Variants in FRMD3 observed in about 807,000 individuals in gnomAD.
FRMD3 encodes the protein FERM domain containing 3.
FRMD3 carries 33 observed loss-of-function variants against 70.2 expected under a neutral mutation model. The observed-to-expected ratio is 0.47, with a 90% CI of 0.36 to 0.63. FRMD3 has a LOEUF of 0.63. Among genes scored for constraint, FRMD3 ranks in the 20% least tolerant of loss-of-function variants. The probability of loss-of-function intolerance (pLI) is 0.00; values close to 1 mark genes in which losing one functional copy is unlikely to be tolerated. For missense variants in FRMD3, 632 were observed against 711.4 expected (o/e 0.89, Z 1.27); for synonymous variants, 279 against 255.9 (o/e 1.09, Z -0.86).
chr9:83,362,963 C>T (rs1824655819), intron 3 of FRMD3, among the ~76,000 whole-genome samples: 1 of 146,142 alleles, frequency 6.8e-6, no homozygotes, highest in South Asian at 2.1e-4. Context: ...TTCTTCCTTC[C>T]TTCCTTTCCT....
At chr9:83,502,442 G>T in intron 1 of FRMD3, among the ~76,000 whole-genome samples, 1 of 152,200 alleles carries the variant, frequency 6.6e-6, no homozygotes, top group East Asian at 1.9e-4. Flanking sequence ...CATATTTTAT[G>T]AAAAGAAATG....
chr9:83,320,400 A>G (rs992306492), intron 6 of FRMD3, among the ~76,000 whole-genome samples: 2 of 152,118 alleles, frequency 1.3e-5, no homozygotes, highest in African/African-American at 2.4e-5. Flanking sequence ...TTCTTCATCT[A>G]TTGAGGTGAT....
At chr9:83,421,101 C>T (rs529967499) in intron 1 of FRMD3, among the ~76,000 whole-genome samples, 48 of 151,466 alleles carry the variant, frequency 3.2e-4, no homozygotes, top group Admixed American at 1.4e-3. Context: ...CCACCACGCC[C>T]GGCTAATTTT....
At chr9:83,482,762 G>T (rs1415070226) in intron 1 of FRMD3, among the ~76,000 whole-genome samples, 1 of 152,112 alleles carries the variant, frequency 6.6e-6, no homozygotes, top group Non-Finnish European at 1.5e-5. Context: ...AAGAAATAAA[G>T]GTGCTCCAGT....
At chr9:83,458,662 A>C (rs1827887468) in intron 1 of FRMD3, among the ~76,000 whole-genome samples, 1 of 152,242 alleles carries the variant, frequency 6.6e-6, no homozygotes, top group African/African-American at 2.4e-5. Context: ...GTACATCCAC[A>C]GAAATGAAAA....
intron 3 of FRMD3, among the ~76,000 whole-genome samples, chr9:83,352,373 C>A (rs1824189601): frequency 6.6e-6 from 1 of 152,178 alleles, no homozygotes; most frequent in Admixed American, 6.5e-5. Flanking sequence ...CTTCCTGAAG[C>A]ATTAACTTCT....
chr9:83,459,635 G>A lies in FRMD3; in HGVS notation c.148-69927C>T, dbSNP rs766376507. On this transcript the variant is annotated intron_variant, in intron 1 of 13. Transcript: ENST00000304195. ...CAGGGGAGAGAAACTGATGGCAAAC[G>A]CTGCCCTGGCCTCCTGGCCTCAGGG... 6.6e-5 allele frequency among the ~76,000 whole-genome samples: 10 copies of A among 152,308 alleles called. 1 individual carries two copies. In the Middle Eastern group the frequency reaches 0.017, roughly 259 times the overall value.
intron 1 of FRMD3, among the ~76,000 whole-genome samples, chr9:83,417,222 C>T (rs1826483857): frequency 1.3e-5 from 2 of 152,188 alleles, no homozygotes; most frequent in South Asian, 4.1e-4. Flanking sequence ...AATGAGTACA[C>T]ATTCATTCTT....
the FRMD3 span, among the ~76,000 whole-genome samples, chr9:83,564,187 A>G: frequency 6.6e-6 from 1 of 152,166 alleles, no homozygotes; most frequent in Admixed American, 6.5e-5. Context: ...AAGTTTGTTG[A>G]CTGACTTTCT....
intron 4 of FRMD3, 70 bp from the exon 5 acceptor site, chr9:83,343,357 G>T: frequency 3.8e-6 from 4 of 1,046,142 alleles, no homozygotes; most frequent in Non-Finnish European, 6.0e-6. Flanking sequence ...GATTGTTCAT[G>T]CTTAGCTCCC....
At position 83,247,629 on chromosome 9, in the gene FRMD3, C is replaced by G. The variant is rs1286782565; in HGVS notation, c.*289G>C. On this transcript the variant is annotated 3_prime_UTR_variant, in exon 14 of 14. Transcript: ENST00000304195. ...GAAAATCTAATTCAGTCCAATGTAA[C>G]ATGTATTATGATATAATAGATGAAG... The G allele has an allele frequency of 8.4e-6, 9 of 1,076,966 alleles. No individual in the cohort carries two copies. Among genetic ancestry groups the G allele is most frequent in the Non-Finnish European group, 1.0e-5 (9 of 880,548 alleles). 66.7% of individuals were successfully genotyped at this position (1,076,966 alleles called of 1,614,324 possible).
intron 3 of FRMD3, among the ~76,000 whole-genome samples, chr9:83,357,274 T>C (rs1211006721): frequency 1.7e-5 from 1 of 58,046 alleles, no homozygotes; most frequent in African/African-American, 8.4e-5. Flanking sequence ...TATATATATA[T>C]ATATATATAT....
intron 3 of FRMD3, 136 bp downstream of exon 3, chr9:83,372,777 T>A (rs559791342): frequency 1.3e-6 from 1 of 768,252 alleles, no homozygotes; most frequent in Admixed American, 2.0e-5. Context: ...AGAGCTCTCC[T>A]GGGGAGAGAG....
chr9:83,358,609 C>T (rs150948888), intron 3 of FRMD3, among the ~76,000 whole-genome samples: 3,512 of 152,146 alleles, frequency 0.023, 142 homozygotes, highest in African/African-American at 0.08. Flanking sequence ...TGATTTCTTT[C>T]AGCAGTGTTT....
chr9:83,345,753 T>G (rs907038765), intron 4 of FRMD3, among the ~76,000 whole-genome samples: 1 of 151,678 alleles, frequency 6.6e-6, no homozygotes, highest in Non-Finnish European at 1.5e-5. Flanking sequence ...CAAGACTCCA[T>G]CTCAAAAAAT....
intron 1 of FRMD3, among the ~76,000 whole-genome samples, chr9:83,536,607 C>T (rs1829897498): frequency 6.6e-6 from 1 of 152,110 alleles, no homozygotes; most frequent in Non-Finnish European, 1.5e-5. Context: ...CCTGCTAATC[C>T]TTTTATTATT....
chr9:83,275,023 G>A (rs1201469495), intron 13 of FRMD3, among the ~76,000 whole-genome samples: 2 of 152,176 alleles, frequency 1.3e-5, no homozygotes, highest in Admixed American at 1.3e-4. Flanking sequence ...CAAGTCAGCA[G>A]GAGCAGGTTT....
Position 83,538,341 on chromosome 9 carries a change from C to G in FRMD3, c.-110G>C, listed in dbSNP as rs1829949113. 1 of 1,038,762 alleles carries G rather than the reference C, an allele frequency of 9.6e-7. No homozygotes were observed. The highest frequency in any genetic ancestry group is 1.2e-6 in the Non-Finnish European group (1 of 807,754). 64.3% of individuals were successfully genotyped at this position (1,038,762 alleles called of 1,614,324 possible). A position where few individuals can be genotyped will look rare whatever the true frequency, so the allele number is the denominator to read the frequency against. ...CCGGGACACCTGGGCGCGGCTCAGC[C>G]CCGGGACATCGGCAGCGTCGGGCGC... is the stretch of plus-strand genomic sequence containing the variant. On this transcript the variant is annotated 5_prime_UTR_variant, in exon 1 of 14. Transcript: ENST00000304195. The surrounding 1 kb of genome is among the most constrained non-coding windows in gnomAD (Gnocchi z 4.7).
In FRMD3 at chr9:83,244,726, G is replaced by A. The variant is rs986292127; in HGVS notation, c.*3192C>T. On this transcript the variant is annotated 3_prime_UTR_variant, in exon 14 of 14. Coordinates refer to ENST00000304195, the MANE Select transcript of FRMD3 (RefSeq NM_174938.6). The stretch of plus-strand genomic sequence containing the variant: ...GCAAATTTCACTATACAAAGGTAAG[G>A]CTCCAATCACAGTAACATGGCCCCC... 3.0e-6 allele frequency: 3 copies of A among 984,576 alleles called. No individual in the cohort carries two copies. The highest frequency in any genetic ancestry group is 6.2e-5 in the Admixed American group (1 of 16,256). 61.0% of individuals were successfully genotyped at this position (984,576 alleles called of 1,614,324 possible).
Sources: allele counts gnomAD v4.1 joint callset (sites outside exome capture counted in the v4.1 genomes callset), GRCh38; gene constraint gnomAD v4.1.1; non-coding constraint Gnocchi (gnomAD v3.1); transcripts MANE v1.5; gene names NCBI Gene and HGNC (gene_info 2026-07-23, HGNC 2026-07-21).